BAIAP2: variants seen among roughly 807,000 people sequenced by gnomAD.
The protein encoded by BAIAP2 is BAR/IMD domain containing adaptor protein 2, also known as BAR/IMD domain-containing adapter protein 2.
In BAIAP2, 18 loss-of-function variants were observed where a neutral mutation model predicts 63.0. The ratio of observed to expected loss-of-function variants is 0.29; its 90% CI spans 0.20 to 0.42. BAIAP2 has a LOEUF of 0.42. BAIAP2 is among the 10% of genes least tolerant of loss of function. The pLI, the probability that BAIAP2 is intolerant of heterozygous loss-of-function variation, is 1.00. For missense variants in BAIAP2, 610 were observed against 734.3 expected, an observed-to-expected ratio of 0.83 and a Z score of 1.96; for synonymous variants, 386 against 307.6, an observed-to-expected ratio of 1.25 and a Z score of -2.67.
chr17:81,040,566 C>T (rs1249879543), intron 1 of BAIAP2, among the ~76,000 whole-genome samples: 4 of 152,258 alleles, frequency 2.6e-5, no homozygotes, highest in African/African-American at 4.8e-5. Flanking sequence ...CTCCTTTGGG[C>T]ATGGAACGGC....
chr17:81,074,595 G>A (rs1477338963), intron 3 of BAIAP2, among the ~76,000 whole-genome samples: 1 of 151,560 alleles, frequency 6.6e-6, no homozygotes, highest in East Asian at 1.9e-4. Flanking sequence ...GAGTGCCTGT[G>A]TGTGCGTGCA....
intron 6 of BAIAP2, among the ~76,000 whole-genome samples, chr17:81,092,135 C>T (rs544826697): frequency 1.3e-3 from 192 of 152,358 alleles, no homozygotes; most frequent in Non-Finnish European, 2.2e-3. Flanking sequence ...AAGTGATTGC[C>T]GGGGTCTCCA....
rs553064558 is a variant in BAIAP2, at chr17:81,048,659, T to C, written c.55-5009T>C. Among the ~76,000 whole-genome samples, 67 of 152,244 alleles carry C rather than the reference T, an allele frequency of 4.4e-4. 1 individual carries two copies. The East Asian group carries it at 0.011, about 25-fold the overall frequency. Reference sequence around the variant, plus strand: ...AAAGGGCTCCCTGGGCTCATCAATGTTCTCTGACGGCCACCTCTGCAACTG... The same window carrying C: ...AAAGGGCTCCCTGGGCTCATCAATGCTCTCTGACGGCCACCTCTGCAACTG... On this transcript the variant is annotated intron_variant, in intron 1 of 13. Transcript: ENST00000428708.
intron 3 of BAIAP2, among the ~76,000 whole-genome samples, chr17:81,079,715 C>T (rs1001592186): frequency 1.6e-4 from 24 of 152,330 alleles, no homozygotes; most frequent in Middle Eastern, 6.8e-3. Context: ...ACGGCTCTGC[C>T]GGTCTGTTCT....
chr17:81,057,988 C>T, intron 3 of BAIAP2, 21 bp downstream of exon 3: 1 of 1,122,482 alleles, frequency 8.9e-7, no homozygotes, highest in Non-Finnish European at 1.2e-6. Context: ...CCCCCCCCCC[C>T]CGCCTGGTAG....
intron 6 of BAIAP2, among the ~76,000 whole-genome samples, chr17:81,089,042 C>T (rs556426179): frequency 2.0e-5 from 3 of 152,378 alleles, no homozygotes; most frequent in Non-Finnish European, 4.4e-5. Context: ...GCACACCTGG[C>T]CTCTGCCTGC....
chr17:81,058,816 A>G (rs937195848), intron 3 of BAIAP2, among the ~76,000 whole-genome samples: 1 of 152,008 alleles, frequency 6.6e-6, no homozygotes, highest in African/African-American at 2.4e-5. Context: ...CGGATGGGGA[A>G]GAGTCACTGT....
At chr17:81,044,040 C>T (rs72851893) in intron 1 of BAIAP2, among the ~76,000 whole-genome samples, 5,197 of 152,340 alleles carry the variant, frequency 0.034, 115 homozygotes, top group Middle Eastern at 0.092. Context: ...AGCCCCGCCC[C>T]GAAGCTGCTT....
intron 3 of BAIAP2, 45 bp from the exon 4 acceptor site, chr17:81,084,787 G>C (rs890142261): frequency 6.3e-7 from 1 of 1,594,876 alleles, no homozygotes; most frequent in Non-Finnish European, 8.6e-7. Flanking sequence ...TGGTGACTGC[G>C]AGCACCTGAC....
chr17:81,070,768 A>C (rs1191539652), intron 3 of BAIAP2, among the ~76,000 whole-genome samples: 2 of 152,084 alleles, frequency 1.3e-5, no homozygotes. Context: ...CTGACCCGGG[A>C]GCCCCCGTCT....
chr17:81,045,305 G>C (rs2047654723), intron 1 of BAIAP2, among the ~76,000 whole-genome samples: 1 of 152,192 alleles, frequency 6.6e-6, no homozygotes, highest in Non-Finnish European at 1.5e-5. Flanking sequence ...CAGGGCCCCA[G>C]GCTGGGGCTG....
chr17:81,110,849 T>G, intron 13 of BAIAP2: 1 of 1,601,908 alleles, frequency 6.2e-7, no homozygotes, highest in Non-Finnish European at 8.5e-7. Flanking sequence ...TGGTCCCCCC[T>G]CCTCTGCACC....
intron 7 of BAIAP2, 28 bp from the exon 8 acceptor site, chr17:81,103,474 C>A (rs992068315): frequency 1.3e-6 from 2 of 1,538,816 alleles, no homozygotes; most frequent in African/African-American, 1.4e-5. Context: ...CGGCCCTGAC[C>A]CCTCCCTTCC....
intron 10 of BAIAP2, chr17:81,105,068 C>A (rs1377789889): frequency 1.8e-5 from 4 of 219,716 alleles, no homozygotes; most frequent in Non-Finnish European, 2.8e-5. Flanking sequence ...GGGTCTCCCC[C>A]CAATGGCTCG....
chr17:81,043,205 G>A (rs534033080), intron 1 of BAIAP2, among the ~76,000 whole-genome samples: 39 of 152,324 alleles, frequency 2.6e-4, no homozygotes, highest in African/African-American at 8.7e-4. Context: ...GGTGGAGGCC[G>A]AGATGCCACC....
intron 3 of BAIAP2, among the ~76,000 whole-genome samples, chr17:81,078,881 G>A (rs1352590498): frequency 6.6e-6 from 1 of 152,062 alleles, no homozygotes; most frequent in African/African-American, 2.4e-5. Context: ...GCTCAGCCCC[G>A]AGTCACCTTT....
chr17:81,102,929 C>T (rs1289110143), intron 7 of BAIAP2, among the ~76,000 whole-genome samples: 2 of 152,250 alleles, frequency 1.3e-5, no homozygotes, highest in African/African-American at 2.4e-5. Flanking sequence ...CAGAACCTTT[C>T]TCCATGCCTG....
At chr17:81,086,084 C>T (rs1437034268) in intron 5 of BAIAP2, among the ~76,000 whole-genome samples, 4 of 146,712 alleles carry the variant, frequency 2.7e-5, no homozygotes, top group East Asian at 2.2e-4. Flanking sequence ...CACTCCTGTC[C>T]GCTGGCAGGA....
At chr17:81,040,439 C>T (rs945859064) in intron 1 of BAIAP2, among the ~76,000 whole-genome samples, 1 of 152,258 alleles carries the variant, frequency 6.6e-6, no homozygotes, top group African/African-American at 2.4e-5. Flanking sequence ...CCTGGCTGTG[C>T]CTGTACAGCT....
Sources: gnomAD v4.1 joint callset for allele counts (sites outside exome capture counted in the v4.1 genomes callset) on GRCh38, gnomAD v4.1.1 for gene constraint, MANE v1.5 for transcripts, NCBI Gene and HGNC (gene_info 2026-07-23, HGNC 2026-07-21) for gene names.